BCAP29: variants seen among roughly 807,000 people sequenced by gnomAD.
BCAP29 encodes B-cell receptor-associated protein 29.
In BCAP29, 34 loss-of-function variants were observed where a neutral mutation model predicts 31.8. That is an observed-to-expected ratio of 1.07 (90% CI 0.81 to 1.42). The LOEUF (loss-of-function observed/expected upper bound fraction) is 1.42. Ranked by LOEUF, BCAP29 falls within the 40% of genes most tolerant of loss-of-function variation. The pLI is 0.00. For synonymous variants in BCAP29, 104 were observed against 91.3 expected (o/e 1.14, Z -0.79); for missense variants, 314 against 269.2 (o/e 1.17, Z -1.16).
chr7:107,600,978 T>C (rs1168292963), intron 6 of BCAP29, among the ~76,000 whole-genome samples: 1 of 152,176 alleles, frequency 6.6e-6, no homozygotes, highest in Non-Finnish European at 1.5e-5. Context: ...TAGGCAACAA[T>C]ATCTGGGATG....
intron 6 of BCAP29, among the ~76,000 whole-genome samples, chr7:107,604,813 TG>T (rs1811799572): frequency 6.6e-6 from 1 of 150,818 alleles, no homozygotes; most frequent in African/African-American, 2.4e-5. Flanking sequence ...TTGTATCAAC[TG>T]AAAAAAAAAA....
At chr7:107,583,835 CTTTA>C (rs1253451719) in intron 2 of BCAP29, 43 bp from the exon 3 acceptor site, 6 of 970,420 alleles carry the variant, frequency 6.2e-6, no homozygotes, top group South Asian at 2.1e-5. Flanking sequence ...TATTTCAAAA[CTTTA>C]TTTTAGTTTT....
At chr7:107,622,361 CT>C, downstream of BCAP29, 1 of 154,410 alleles carries the variant, frequency 6.5e-6, no homozygotes, top group Non-Finnish European at 1.4e-5. Context: ...CTCCCATCTA[CT>C]TTTCAGCCTC....
intron 5 of BCAP29, among the ~76,000 whole-genome samples, chr7:107,599,283 T>TTATATATATA (rs1563134160): frequency 3.9e-4 from 20 of 50,948 alleles, no homozygotes; most frequent in African/African-American, 1.9e-3. Flanking sequence ...TATATATAAT[T>TTATATATATA]TTTATATATA....
intron 5 of BCAP29, among the ~76,000 whole-genome samples, chr7:107,598,629 T>A (rs926220782): frequency 1.3e-5 from 2 of 152,188 alleles, no homozygotes; most frequent in Non-Finnish European, 2.9e-5. Context: ...TTGCATGTAG[T>A]CATTGCTCAG....
At chr7:107,612,434 TATA>T (rs1563141509) in intron 6 of BCAP29, among the ~76,000 whole-genome samples, 102 of 88,692 alleles carry the variant, frequency 1.2e-3, no homozygotes, top group Middle Eastern at 5.4e-3. Context: ...TATATATATA[TATA>T]TATTTATTTT....
intron 3 of BCAP29, among the ~76,000 whole-genome samples, chr7:107,585,605 A>G (rs1807503493): frequency 6.6e-6 from 1 of 152,210 alleles, no homozygotes; most frequent in Non-Finnish European, 1.5e-5. Context: ...ATGATCTTCT[A>G]ACTCTAAAAT....
intron 5 of BCAP29, among the ~76,000 whole-genome samples, chr7:107,599,554 G>C (rs1585140154): frequency 6.8e-6 from 1 of 147,918 alleles, no homozygotes; most frequent in South Asian, 2.1e-4. Context: ...GTAGCTGCCT[G>C]CCTCTTTATT....
At chr7:107,610,231 T>G (rs1209771512) in intron 6 of BCAP29, among the ~76,000 whole-genome samples, 3 of 152,228 alleles carry the variant, frequency 2.0e-5, no homozygotes, top group African/African-American at 7.2e-5. Flanking sequence ...TAACAGTCTC[T>G]TATTGAATCT....
chr7:107,585,836 C>G (rs548786148), intron 3 of BCAP29, among the ~76,000 whole-genome samples: 1 of 152,028 alleles, frequency 6.6e-6, no homozygotes, highest in Non-Finnish European at 1.5e-5. Flanking sequence ...ACCAAAAATA[C>G]AAAAATTAGC....
At chr7:107,585,946 GCGC>G (rs777909220) in intron 3 of BCAP29, among the ~76,000 whole-genome samples, 8 of 152,044 alleles carry the variant, frequency 5.3e-5, no homozygotes, top group Non-Finnish European at 1.0e-4. Flanking sequence ...AGCCGAGATC[GCGC>G]CATTGCACTG....
chr7:107,615,619 C>G (rs1029330329), intron 7 of BCAP29: 3 of 239,958 alleles, frequency 1.3e-5, no homozygotes, highest in Non-Finnish European at 2.6e-5. Context: ...GTGATTCCTT[C>G]CCAAGAAAAT....
chr7:107,610,645 A>G (rs978579516), intron 6 of BCAP29, among the ~76,000 whole-genome samples: 8 of 152,156 alleles, frequency 5.3e-5, no homozygotes, highest in Admixed American at 6.6e-5. Context: ...TGAAATAAGA[A>G]ACACATTTTA....
At chr7:107,611,042 G>A (rs1057322596) in intron 6 of BCAP29, among the ~76,000 whole-genome samples, 2 of 152,046 alleles carry the variant, frequency 1.3e-5, no homozygotes, top group South Asian at 2.1e-4. Context: ...GGCCTGTTTC[G>A]TGATTCGTAG....
intron 3 of BCAP29, among the ~76,000 whole-genome samples, chr7:107,588,703 AAGAC>A (rs1274194456): frequency 6.6e-6 from 1 of 152,164 alleles, no homozygotes; most frequent in African/African-American, 2.4e-5. Flanking sequence ...TCAAAGCAAA[AAGAC>A]AGTCTTAACT....
At chr7:107,582,679 A>C (rs894659899) in intron 2 of BCAP29, among the ~76,000 whole-genome samples, 2 of 152,146 alleles carry the variant, frequency 1.3e-5, no homozygotes, top group Non-Finnish European at 2.9e-5. Flanking sequence ...AGTACTTAGA[A>C]CCATAATATA....
chr7:107,580,119 T>C (rs945631125), upstream of BCAP29: 2 of 152,174 alleles, frequency 1.3e-5, no homozygotes, highest in African/African-American at 4.8e-5. Flanking sequence ...AGAAAACAAC[T>C]GTTGCCAATA....
At chr7:107,608,161 A>C (rs1052650458) in intron 6 of BCAP29, among the ~76,000 whole-genome samples, 6 of 151,686 alleles carry the variant, frequency 4.0e-5, no homozygotes, top group African/African-American at 1.5e-4. Context: ...TTCACAGCCC[A>C]CACTTCAGAA....
chr7:107,613,453 A>G (rs74583821), intron 7 of BCAP29, 21 bp downstream of exon 7: 21,791 of 1,526,360 alleles, frequency 0.014, 195 homozygotes, highest in Non-Finnish European at 0.016. Context: ...CATGCACTTT[A>G]TGCACCTAAA....
Sources: allele counts gnomAD v4.1 joint callset (sites outside exome capture counted in the v4.1 genomes callset), GRCh38; gene constraint gnomAD v4.1.1; transcripts MANE v1.5; gene names NCBI Gene and HGNC (gene_info 2026-07-23, HGNC 2026-07-21).